PBK: variants seen among roughly 807,000 people sequenced by gnomAD.
PBK encodes the protein lymphokine-activated killer T-cell-originated protein kinase.
In PBK, 22 loss-of-function variants were observed where a neutral mutation model predicts 33.5. The observed-to-expected ratio is 0.66, with a 90% confidence interval of 0.47 to 0.94. The LOEUF is 0.94. Ranked by LOEUF, PBK falls within the 40% of genes least tolerant of loss-of-function variation. PBK has a pLI of 0.00. For synonymous variants in PBK, 129 were observed against 123.8 expected (o/e 1.04, Z -0.28); for missense variants, 376 against 383.4 (o/e 0.98, Z 0.16).
Position 27,833,463 on chromosome 8 carries a change from C to T in PBK, c.-20-330G>A, listed in dbSNP as rs963970133. 1.3e-4 allele frequency among the ~76,000 whole-genome samples: 20 copies of T among 151,276 alleles called. 2 individuals are homozygous for T. The East Asian group carries it at 3.9e-3, about 29-fold the overall frequency. On this transcript the variant is annotated intron_variant, in intron 1 of 7. Transcript: ENST00000301905. ...GGCAGAGGTTGCGGTGAGCCGAGAT[C>T]GTGCCATTGCACTCCAGCCTGGGCA...
chr8:27,833,318 C>T (rs1471753637), intron 1 of PBK, among the ~76,000 whole-genome samples, 185 bp from the exon 2 acceptor site: 1 of 151,866 alleles, frequency 6.6e-6, no homozygotes, highest in African/African-American at 2.4e-5. Context: ...GAGACCAGCC[C>T]GACCAATATG....
At chr8:27,831,354 C>T (rs1806126051) in intron 2 of PBK, among the ~76,000 whole-genome samples, 2 of 150,376 alleles carry the variant, frequency 1.3e-5, no homozygotes, top group East Asian at 3.9e-4. Flanking sequence ...CTCAAAAAAA[C>T]AAGAAAAAGA....
chr8:27,820,804 C>A, intron 5 of PBK, 110 bp from the exon 6 acceptor site: 19 of 559,882 alleles, frequency 3.4e-5, no homozygotes, highest in East Asian at 7.1e-5. Flanking sequence ...TCTAGGTTTA[C>A]ATTTGTCCAG....
intron 5 of PBK, 24 bp from the exon 6 acceptor site, chr8:27,820,718 CAT>C (rs1399855896): frequency 7.8e-6 from 11 of 1,405,296 alleles, no homozygotes; most frequent in African/African-American, 1.5e-5. Context: ...AAATTTAACA[CAT>C]ATGTGCAGAA....
At chr8:27,813,122 G>A (rs1005038169) in intron 6 of PBK, among the ~76,000 whole-genome samples, 44 of 152,184 alleles carry the variant, frequency 2.9e-4, no homozygotes, top group Non-Finnish European at 5.6e-4. Flanking sequence ...TATACACCAT[G>A]GAATACTATG....
At position 27,816,609 on chromosome 8, in the gene PBK, C is replaced by T. The variant is rs1360243914; in HGVS notation, c.595+3956G>A. The stretch of plus-strand genomic sequence containing the variant: ...GCCAGGATGGTCTCAATCTCCTGAC[C>T]TCATGATTTGCCCGCCTCGGCCTCC... On this transcript the variant is annotated intron_variant, in intron 6 of 7. Transcript: ENST00000301905. Among the ~76,000 whole-genome samples, 5 of 151,778 alleles carry T rather than the reference C, an allele frequency of 3.3e-5. No individual in the cohort carries two copies. The East Asian group carries it at 7.7e-4, about 24-fold the overall frequency.
Position 27,836,939 on chromosome 8 carries a change from CAGAT to C in PBK, c.-21+709_-21+712del, listed in dbSNP as rs548638330. Among the ~76,000 whole-genome samples the C allele has an allele frequency of 1.3e-3, 202 of 152,300 alleles. 1 individual carries two copies. Among genetic ancestry groups the C allele is most frequent in the African/African-American group, 4.7e-3 (195 of 41,566 alleles). On this transcript the variant is annotated intron_variant, in intron 1 of 7. Coordinates refer to ENST00000301905, the MANE Select transcript of PBK (RefSeq NM_018492.4). Reference sequence around the variant, plus strand: ...CTCAGGTTTAGGCATTAACTGCTGACAGATAGCTTTTGGCCAGTAGCCCAGACTC... The same window carrying C: ...CTCAGGTTTAGGCATTAACTGCTGACAGCTTTTGGCCAGTAGCCCAGACTC...
At chr8:27,811,208 G>C in intron 6 of PBK, 74 bp from the exon 7 acceptor site, 1 of 1,357,498 alleles carries the variant, frequency 7.4e-7, no homozygotes, top group Non-Finnish European at 1.0e-6. Flanking sequence ...AGGGAAACAG[G>C]CGAACGATTT....
At chr8:27,836,392 CAGAA>C (rs1365186629) in intron 1 of PBK, among the ~76,000 whole-genome samples, 4 of 151,674 alleles carry the variant, frequency 2.6e-5, no homozygotes, top group South Asian at 2.1e-4. Flanking sequence ...TACTGAGAAA[CAGAA>C]AGCTGTTGGA....
chr8:27,826,314 A>G (rs1254251636), intron 3 of PBK, among the ~76,000 whole-genome samples: 2 of 152,254 alleles, frequency 1.3e-5, no homozygotes, highest in Non-Finnish European at 2.9e-5. Flanking sequence ...TCAAAAAAAT[A>G]TATCTTCTGT....
intron 3 of PBK, among the ~76,000 whole-genome samples, chr8:27,827,318 C>T (rs915081138): frequency 1.3e-5 from 2 of 152,112 alleles, no homozygotes; most frequent in African/African-American, 2.4e-5. Flanking sequence ...GAGGCGAAGG[C>T]GGGCAGATCG....
chr8:27,816,417 C>G (rs920443886), intron 6 of PBK, among the ~76,000 whole-genome samples: 2 of 148,144 alleles, frequency 1.4e-5, no homozygotes, highest in Non-Finnish European at 3.0e-5. Flanking sequence ...CTCGCTGTCG[C>G]CCAGACTGGA....
intron 2 of PBK, among the ~76,000 whole-genome samples, chr8:27,828,689 G>T (rs1585433248): frequency 7.3e-6 from 1 of 136,812 alleles, no homozygotes; most frequent in South Asian, 2.3e-4. Flanking sequence ...AGGAGGTTAA[G>T]GGTGCAGGTG....
At position 27,816,361 on chromosome 8, in the gene PBK, ATT is replaced by A. The variant is rs1491381914; in HGVS notation, c.595+4202_595+4203del. On this transcript the variant is annotated intron_variant, in intron 6 of 7. Coordinates refer to ENST00000301905, the MANE Select transcript of PBK (RefSeq NM_018492.4). ...TCGAATACTATATATATATATATTTATTTATTTATTTATTTATTTTAATTTAT... is the reference window on the plus strand; with the variant it reads ...TCGAATACTATATATATATATATTTATATTTATTTATTTATTTTAATTTAT... Among the ~76,000 whole-genome samples the A allele has an allele frequency of 1.4e-3, 188 of 130,880 alleles. 3 individuals carry two copies. Among genetic ancestry groups the A allele is most frequent in the African/African-American group, 4.8e-3 (164 of 34,232 alleles). 85.9% of individuals were successfully genotyped at this position (130,880 alleles called of 152,430 possible).
chr8:27,830,606 C>T (rs1291530223), intron 2 of PBK, among the ~76,000 whole-genome samples: 1 of 152,186 alleles, frequency 6.6e-6, no homozygotes, highest in Non-Finnish European at 1.5e-5. Flanking sequence ...GCTGTCTGAG[C>T]GCTGAGCACT....
chr8:27,812,123 C>T (rs1805698878), intron 6 of PBK: 1 of 152,096 alleles, frequency 6.6e-6, no homozygotes, highest in Admixed American at 6.6e-5. Flanking sequence ...ATAAAACTGG[C>T]AAGAGCAGGC....
intron 1 of PBK, among the ~76,000 whole-genome samples, chr8:27,836,471 G>A (rs1806229832): frequency 6.6e-6 from 1 of 151,682 alleles, no homozygotes; most frequent in Admixed American, 6.6e-5. Flanking sequence ...GAAGATTTAA[G>A]TTTGTGGGAT....
intron 6 of PBK, chr8:27,812,608 TCAAA>T (rs1287988497): frequency 1.6e-4 from 19 of 119,902 alleles, no homozygotes; most frequent in Admixed American, 3.6e-4. Context: ...TACAAAGAAC[TCAAA>T]CAAATTTACA....
At chr8:27,816,343 C>CTTATATATATATATATATATATATATATA (rs1554559818) in intron 6 of PBK, among the ~76,000 whole-genome samples, 1 of 136,374 alleles carries the variant, frequency 7.3e-6, no homozygotes, top group African/African-American at 2.9e-5. Context: ...TCATCGAATA[C>CTTATATATATATATATATATATATATATA]TATATATATA....
Sources: gnomAD v4.1 joint callset for allele counts (sites outside exome capture counted in the v4.1 genomes callset) on GRCh38, gnomAD v4.1.1 for gene constraint, MANE v1.5 for transcripts, NCBI Gene and HGNC (gene_info 2026-07-23, HGNC 2026-07-21) for gene names.